Variants in CCBE1 observed in about 807,000 individuals in gnomAD.
The protein encoded by CCBE1 is collagen and calcium-binding EGF domain-containing protein 1.
In CCBE1, 37 loss-of-function variants were observed where a neutral mutation model predicts 50.0. The observed-to-expected ratio is 0.74, with a 90% CI of 0.57 to 0.97. CCBE1 has a LOEUF of 0.97. Among genes scored for constraint, CCBE1 ranks in the 50% least tolerant of loss-of-function variants. The probability of loss-of-function intolerance (pLI) is 0.00; values close to 1 mark genes in which losing one functional copy is unlikely to be tolerated. For synonymous variants in CCBE1, 234 were observed against 203.7 expected (o/e 1.15, Z -1.27); for missense variants, 538 against 523.8 (o/e 1.03, Z -0.26).
chr18:59,514,645 G>A (rs1159265902), intron 2 of CCBE1, among the ~76,000 whole-genome samples: 156 of 95,842 alleles, frequency 1.6e-3, no homozygotes, highest in South Asian at 3.6e-3. Flanking sequence ...TCCTTTCCTT[G>A]AAAAAAAAAA....
intron 2 of CCBE1, among the ~76,000 whole-genome samples, chr18:59,627,711 A>C (rs558450195): frequency 6.6e-6 from 1 of 152,210 alleles, no homozygotes; most frequent in Admixed American, 6.5e-5. Flanking sequence ...AGCAACCCCC[A>C]GACGCTGGAA....
At chr18:59,442,546 A>G (rs747605827) in intron 7 of CCBE1, among the ~76,000 whole-genome samples, 50 of 152,096 alleles carry the variant, frequency 3.3e-4, no homozygotes, top group Non-Finnish European at 6.9e-4. Flanking sequence ...TGGCCAACAC[A>G]GTGAAACCCC....
intron 2 of CCBE1, among the ~76,000 whole-genome samples, chr18:59,490,427 A>G (rs1913045759): frequency 1.4e-5 from 2 of 144,942 alleles, no homozygotes; most frequent in Non-Finnish European, 3.1e-5. Context: ...TTCTATAATG[A>G]GCATGAATTG....
chr18:59,474,370 A>AC (rs1912209759), intron 3 of CCBE1, among the ~76,000 whole-genome samples: 1 of 152,222 alleles, frequency 6.6e-6, no homozygotes, highest in African/African-American at 2.4e-5. Context: ...TAGTTTTATG[A>AC]TTTTATGACA....
At chr18:59,530,507 C>A (rs995189046) in intron 2 of CCBE1, among the ~76,000 whole-genome samples, 1 of 152,188 alleles carries the variant, frequency 6.6e-6, no homozygotes, top group African/African-American at 2.4e-5. Flanking sequence ...CATCTTCATT[C>A]ATTCACTTTT....
At chr18:59,482,113 G>T (rs1306060059) in intron 2 of CCBE1, among the ~76,000 whole-genome samples, 1 of 152,138 alleles carries the variant, frequency 6.6e-6, no homozygotes, top group African/African-American at 2.4e-5. Context: ...TGTTCTCATT[G>T]TTCAACTCCC....
intron 5 of CCBE1, among the ~76,000 whole-genome samples, chr18:59,460,807 C>T (rs532110029): frequency 7.9e-5 from 12 of 152,018 alleles, no homozygotes; most frequent in Non-Finnish European, 1.2e-4. Context: ...TGGTGGCGCA[C>T]GTCTGTAATC....
chr18:59,515,094 A>C (rs1914310857), intron 2 of CCBE1, among the ~76,000 whole-genome samples: 1 of 152,238 alleles, frequency 6.6e-6, no homozygotes, highest in South Asian at 2.1e-4. Flanking sequence ...AGGGAACAGA[A>C]GTAAGAAGTG....
Position 59,498,218 on chromosome 18 carries a change from C to G in CCBE1, c.213-17980G>C, listed in dbSNP as rs966447396. On this transcript the variant is annotated intron_variant, in intron 2 of 10. Transcript: ENST00000439986. Reference sequence around the variant, plus strand: ...GATCTTTTTTTTTTGTCCAGTTATACTGGTGACAAAAGATACAATTTTGAA... The same window carrying G: ...GATCTTTTTTTTTTGTCCAGTTATAGTGGTGACAAAAGATACAATTTTGAA... Among the ~76,000 whole-genome samples, 5 of 151,966 alleles carry G rather than the reference C, an allele frequency of 3.3e-5. No homozygotes were observed. In the South Asian group the frequency reaches 6.2e-4, roughly 19 times the overall value.
rs527566128 is a variant in CCBE1 at position 59,471,921 on chromosome 18, C to T, written c.266-2314G>A. Among the ~76,000 whole-genome samples the T allele has an allele frequency of 8.5e-5, 13 of 152,330 alleles. No homozygotes were observed. The South Asian group carries it at 1.0e-3, about 12-fold the overall frequency. ...CGGGCATGGTGGCATGTGCCACCTC[C>T]GGAGGTTGAGGTAGGAGGCTGGCTT... On this transcript the variant is annotated intron_variant, in intron 3 of 10. Transcript: ENST00000439986.
intron 2 of CCBE1, among the ~76,000 whole-genome samples, chr18:59,659,278 A>G (rs1054691325): frequency 2.7e-5 from 4 of 148,210 alleles, no homozygotes; most frequent in African/African-American, 1.0e-4. Flanking sequence ...CTCTTAATAC[A>G]TTAAAAGAAT....
intron 2 of CCBE1, among the ~76,000 whole-genome samples, chr18:59,586,981 A>G (rs939225997): frequency 1.3e-5 from 2 of 152,204 alleles, no homozygotes; most frequent in Non-Finnish European, 2.9e-5. Flanking sequence ...ATGAAACAGA[A>G]TGAAATGGAA....
chr18:59,670,377 A>G (rs1388757213), intron 2 of CCBE1, among the ~76,000 whole-genome samples: 2 of 152,190 alleles, frequency 1.3e-5, no homozygotes, highest in African/African-American at 2.4e-5. Context: ...AAGGAATAAG[A>G]AAGTGGGATG....
chr18:59,602,003 A>G lies in CCBE1; in HGVS notation c.212+94626T>C, dbSNP rs113217636. Among the ~76,000 whole-genome samples the G allele has an allele frequency of 5.0e-3, 765 of 152,294 alleles. 12 individuals are homozygous for G. Among genetic ancestry groups the G allele is most frequent in the African/African-American group, 0.017 (718 of 41,542 alleles). On this transcript the variant is annotated intron_variant, in intron 2 of 10. Coordinates refer to ENST00000439986, the MANE Select transcript of CCBE1 (RefSeq NM_133459.4). ...ACATCCACAAACCTGAAACATTTAA[A>G]AATAGACATAGTACAGCAAGACTGG...
chr18:59,438,142 T>TC lies in CCBE1; in HGVS notation c.955dup (p.Glu319GlyfsTer26). The stretch of plus-strand genomic sequence containing the variant: ...CCCTCTGGGCCCAGGCGCTCCTCTC[T>TC]CCCCCTAAAAACAGAAAGGCCAGGG... On this transcript the variant is annotated frameshift_variant, in exon 10 of 11. Transcript: ENST00000439986. LOFTEE classifies it high-confidence loss of function. 1 of 1,613,978 alleles carries TC rather than the reference T, an allele frequency of 6.2e-7. No individual in the cohort carries two copies. Among genetic ancestry groups the TC allele is most frequent in the Non-Finnish European group, 8.5e-7 (1 of 1,179,956 alleles).
At chr18:59,663,780 G>A (rs962716677) in intron 2 of CCBE1, among the ~76,000 whole-genome samples, 1 of 152,094 alleles carries the variant, frequency 6.6e-6, no homozygotes, top group Non-Finnish European at 1.5e-5. Flanking sequence ...ACTGTCATGA[G>A]GCAGAAGTGA....
intron 2 of CCBE1, among the ~76,000 whole-genome samples, chr18:59,622,451 C>T (rs925882914): frequency 6.6e-6 from 1 of 151,254 alleles, no homozygotes; most frequent in African/African-American, 2.4e-5. Flanking sequence ...TTGCAGTGAG[C>T]TGAGATCATG....
chr18:59,680,853 T>G (rs1311745309), intron 2 of CCBE1, among the ~76,000 whole-genome samples: 1 of 152,090 alleles, frequency 6.6e-6, no homozygotes, highest in Non-Finnish European at 1.5e-5. Flanking sequence ...TTAGACAGAT[T>G]AACTTGCAAG....
chr18:59,544,262 T>C (rs944219710), intron 2 of CCBE1, among the ~76,000 whole-genome samples: 2 of 152,188 alleles, frequency 1.3e-5, no homozygotes, highest in African/African-American at 4.8e-5. Flanking sequence ...TTGGCCTCCT[T>C]GAAGCTTAAC....
Sources: allele counts gnomAD v4.1 joint callset (sites outside exome capture counted in the v4.1 genomes callset), GRCh38; gene constraint gnomAD v4.1.1; transcripts MANE v1.5; gene names NCBI Gene and HGNC (gene_info 2026-07-23, HGNC 2026-07-21).